CLDN18: variants seen among roughly 807,000 people sequenced by gnomAD.
CLDN18 encodes claudin 18.
Under a neutral mutation model 25.0 loss-of-function variants are expected in CLDN18, and 20 were observed. The observed-to-expected ratio is 0.80, with a 90% CI of 0.56 to 1.16. The LOEUF (loss-of-function observed/expected upper bound fraction) is 1.16. CLDN18 is among the 50% of genes most tolerant of loss of function. The pLI is 0.00. For missense variants in CLDN18, 297 were observed against 345.4 expected (o/e 0.86, Z 1.11); for synonymous variants, 125 against 135.6 (o/e 0.92, Z 0.54).
At chr3:138,026,650 A>C (rs1942331179) in intron 3 of CLDN18, among the ~76,000 whole-genome samples, 1 of 152,166 alleles carries the variant, frequency 6.6e-6, no homozygotes, top group African/African-American at 2.4e-5. Context: ...ATCTCAAAAA[A>C]ACAAACAAAA....
chr3:138,023,546 A>T, intron 1 of CLDN18, 112 bp from the exon 2 acceptor site: 1 of 991,864 alleles, frequency 1.0e-6, no homozygotes, highest in South Asian at 1.7e-5. Context: ...GCTGTCTCTC[A>T]GAGGTTTGGT....
At position 138,023,673 on chromosome 3, in the gene CLDN18, T is replaced by C; in HGVS notation, c.236T>C (p.Val79Ala). 6.2e-7 allele frequency: 1 copy of C among 1,614,040 alleles called. No individual in the cohort carries two copies. Among genetic ancestry groups the C allele is most frequent in the Non-Finnish European group, 8.5e-7 (1 of 1,179,998 alleles). Residue 79 changes from valine to alanine, a missense_variant, in exon 2 of 5, where the codon GTG becomes GCG. Val to Ala is a moderately conservative substitution (Grantham distance 64, BLOSUM62 0). Transcript: ENST00000183605. ...TGTCCCACAGCCATGCTGCAGGCAG[T>C]GCGAGCCCTGATGATCGTAGGCATC... is the stretch of plus-strand genomic sequence containing the variant. Reference protein sequence around the residue: ...ILGLPAMLQAVRALMIVGIVL... With the variant: ...ILGLPAMLQAARALMIVGIVL...
intron 1 of CLDN18, among the ~76,000 whole-genome samples, chr3:138,012,683 C>T (rs896299962): frequency 2.6e-5 from 4 of 152,340 alleles, no homozygotes; most frequent in African/African-American, 4.8e-5. Flanking sequence ...ATATTCACCC[C>T]GCGTGACACT....
At chr3:137,998,890 G>T in exon 1 of CLDN18, 1 of 1,614,214 alleles carries the variant, frequency 6.2e-7, no homozygotes, top group Non-Finnish European at 8.5e-7. Context: ...TGCCTGTCAG[G>T]GCTTGGGGTT....
At position 138,031,843 on chromosome 3, in the gene CLDN18, T is replaced by C. The variant is rs1395528400; in HGVS notation, c.*702T>C. ...CCTCTTTCTGTCGCGGGTCAGAAAT[T>C]GTCCCTAGATGAATGAGAAAATTAT... On this transcript the variant is annotated 3_prime_UTR_variant, in exon 5 of 5. Coordinates refer to ENST00000183605, the MANE Select transcript of CLDN18 (RefSeq NM_016369.4). 6.6e-6 allele frequency: 1 copy of C among 152,208 alleles called. No homozygotes were observed. Among genetic ancestry groups the C allele is most frequent in the East Asian group, 1.9e-4 (1 of 5,204 alleles). The allele number at this position is 152,208 out of a possible 1,614,324, so 9.4% of individuals were successfully genotyped here. A position where few individuals can be genotyped will look rare whatever the true frequency, so the allele number is the denominator to read the frequency against.
chr3:138,013,475 A>G (rs898297399), intron 1 of CLDN18, among the ~76,000 whole-genome samples: 2 of 152,162 alleles, frequency 1.3e-5, no homozygotes, highest in African/African-American at 4.8e-5. Context: ...TTGTAGCTAC[A>G]CTCTTCAAAG....
At chr3:138,016,257 C>G (rs1942201885) in intron 1 of CLDN18, among the ~76,000 whole-genome samples, 1 of 152,162 alleles carries the variant, frequency 6.6e-6, no homozygotes, top group African/African-American at 2.4e-5. Flanking sequence ...GGCAAAGCTT[C>G]TAAGTCTGCA....
At chr3:138,023,220 G>A (rs919403129) in intron 1 of CLDN18, among the ~76,000 whole-genome samples, 5 of 152,252 alleles carry the variant, frequency 3.3e-5, no homozygotes, top group Admixed American at 1.3e-4. Flanking sequence ...AACTTTTAGC[G>A]CATATGGAAA....
upstream of CLDN18, among the ~76,000 whole-genome samples, chr3:138,006,267 T>C (rs1444084249): frequency 6.6e-6 from 1 of 152,236 alleles, no homozygotes; most frequent in African/African-American, 2.4e-5. Context: ...ATATTCATTT[T>C]ATTTCTTCCT....
At position 138,031,175 on chromosome 3, in the gene CLDN18, C is replaced by T. The variant is rs771871196; in HGVS notation, c.*34C>T. 1 of 1,532,970 alleles carries T rather than the reference C, an allele frequency of 6.5e-7. No homozygotes were observed. The highest frequency in any genetic ancestry group is 1.4e-5 in the African/African-American group (1 of 72,976). The allele number at this position is 1,532,970 out of a possible 1,614,324, so 95.0% of individuals were successfully genotyped here. A position where few individuals can be genotyped will look rare whatever the true frequency, so the allele number is the denominator to read the frequency against. On this transcript the variant is annotated 3_prime_UTR_variant, in exon 5 of 5. Transcript: ENST00000183605. Reference sequence around the variant, plus strand: ...GACCTCTCAGCACGGGCGGAAGAAACTCCCGGAGAGCTCACCCAAAAAACA... The same window carrying T: ...GACCTCTCAGCACGGGCGGAAGAAATTCCCGGAGAGCTCACCCAAAAAACA...
rs1392521985 is a variant in CLDN18 at position 138,033,039 on chromosome 3, A to C, written c.*1898A>C. 1 of 152,210 alleles carries C rather than the reference A, an allele frequency of 6.6e-6. No homozygotes were observed. The highest frequency in any genetic ancestry group is 1.5e-5 in the Non-Finnish European group (1 of 68,040). The allele number at this position is 152,210 out of a possible 1,614,324, so 9.4% of individuals were successfully genotyped here. A position where few individuals can be genotyped will look rare whatever the true frequency, so the allele number is the denominator to read the frequency against. On this transcript the variant is annotated 3_prime_UTR_variant, in exon 5 of 5. Transcript: ENST00000183605. ...GGCCATTAGGTTATTATTTGAGAGG[A>C]AAGTCCTCACATCAATAGTACATAT...
chr3:138,019,908 T>A (rs1942252396), intron 1 of CLDN18, among the ~76,000 whole-genome samples: 1 of 152,226 alleles, frequency 6.6e-6, no homozygotes, highest in African/African-American at 2.4e-5. Flanking sequence ...CACTTCATTG[T>A]TCATTGGGAA....
rs768017889 is a variant in CLDN18, at chr3:138,029,849, C to T, written c.556C>T (p.Leu186=). The change falls in exon 4 of 5, where the codon CTA becomes TTA. Residue 186 remains leucine, a synonymous_variant. Transcript: ENST00000183605. ...GGGCTGGGTCGCTGGAGGCCTCACA[C>T]TAATTGGGGGTGTGATGATGTGCAT... ...FVGWVAGGLT[L]IGGVMMCIAC... 8 of 1,598,096 alleles carry T rather than the reference C, an allele frequency of 5.0e-6. No homozygotes were observed. The highest frequency in any genetic ancestry group is 1.7e-5 in the Admixed American group (1 of 57,364).
At chr3:138,014,671 C>T (rs1010218715) in intron 1 of CLDN18, among the ~76,000 whole-genome samples, 1 of 152,162 alleles carries the variant, frequency 6.6e-6, no homozygotes, top group African/African-American at 2.4e-5. Context: ...AAAAACACTT[C>T]TTGGGATTGA....
intron 1 of CLDN18, among the ~76,000 whole-genome samples, chr3:138,003,652 T>C (rs933981710): frequency 5.3e-5 from 8 of 152,156 alleles, no homozygotes; most frequent in African/African-American, 1.4e-4. Flanking sequence ...CGTGGAAATA[T>C]ATAATACAGG....
intron 1 of CLDN18, among the ~76,000 whole-genome samples, chr3:138,016,765 A>G (rs936658405): frequency 6.6e-6 from 1 of 152,030 alleles, no homozygotes; most frequent in African/African-American, 2.4e-5. Context: ...TTTATATGAA[A>G]GTGCTGGGCC....
upstream of CLDN18, among the ~76,000 whole-genome samples, chr3:138,008,740 A>G (rs775372409): frequency 2.0e-5 from 3 of 152,158 alleles, no homozygotes; most frequent in Non-Finnish European, 4.4e-5. Context: ...AGCGTAAGCA[A>G]CATGGTGAAA....
In CLDN18 at chr3:138,010,183, G is replaced by C. The variant is rs1942115459; in HGVS notation, c.-43G>C. On this transcript the variant is annotated 5_prime_UTR_variant, in exon 1 of 5. Transcript: ENST00000183605. ...TAGCTTCACACCTTCGGCAGCAGGA[G>C]GGCGGCAGCTTCTCGCAGGCGGCAG... 6.3e-7 allele frequency: 1 copy of C among 1,598,310 alleles called. No individual in the cohort carries two copies. Among genetic ancestry groups the C allele is most frequent in the Admixed American group, 1.7e-5 (1 of 58,636 alleles).
At chr3:138,011,906 T>A (rs1942140461) in intron 1 of CLDN18, among the ~76,000 whole-genome samples, 1 of 152,162 alleles carries the variant, frequency 6.6e-6, no homozygotes. Flanking sequence ...CTTATCTCCA[T>A]GACACCCTCT....
Sources: allele counts gnomAD v4.1 joint callset (sites outside exome capture counted in the v4.1 genomes callset), GRCh38; gene constraint gnomAD v4.1.1; transcripts MANE v1.5; gene names NCBI Gene and HGNC (gene_info 2026-07-23, HGNC 2026-07-21).